Variants in ZNF660 observed in about 807,000 individuals in gnomAD.
ZNF660 encodes the protein zinc finger protein 660.
In ZNF660, 24 loss-of-function variants were observed where a neutral mutation model predicts 23.2. That is an observed-to-expected ratio of 1.04 (90% CI 0.75 to 1.46). The LOEUF is 1.46. Among genes scored for constraint, ZNF660 ranks in the 40% most tolerant of loss-of-function variants. The probability of loss-of-function intolerance (pLI) is 0.00; values close to 1 mark genes in which losing one functional copy is unlikely to be tolerated. For synonymous variants in ZNF660, 117 were observed against 131.4 expected (o/e 0.89, Z 0.75); for missense variants, 373 against 396.8 (o/e 0.94, Z 0.51).
chr3:44,588,882 T>C (rs544234893), intron 2 of ZNF660, among the ~76,000 whole-genome samples: 2 of 152,338 alleles, frequency 1.3e-5, no homozygotes, highest in South Asian at 2.1e-4. Context: ...TTTCTGTGTG[T>C]CCCCATCTTG....
At position 44,594,812 on chromosome 3, in the gene ZNF660, G is replaced by A; in HGVS notation, c.619G>A (p.Asp207Asn). ...ATGTGGTTCTAATACAAAGATTATG[G>A]ACCATCAGAGAATTCACACTGGAGA... is the stretch of plus-strand genomic sequence containing the variant. ...KTCGSNTKIMDHQRIHTGEKP... is the reference protein window; with the variant it reads ...KTCGSNTKIMNHQRIHTGEKP... Residue 207 changes from aspartate to asparagine, a missense_variant, in exon 3 of 3, where the codon GAC (aspartate) becomes AAC (asparagine). Asp to Asn is a conservative substitution (Grantham distance 23). Transcript: ENST00000322734. 1.2e-6 allele frequency: 2 copies of A among 1,614,088 alleles called. No individual in the cohort carries two copies. Among genetic ancestry groups the A allele is most frequent in the Non-Finnish European group, 1.7e-6 (2 of 1,180,024 alleles).
At chr3:44,586,076 A>C (rs1033127952) in intron 1 of ZNF660, 29 bp from the exon 2 acceptor site, 1 of 152,186 alleles carries the variant, frequency 6.6e-6, no homozygotes, top group Non-Finnish European at 1.5e-5. Context: ...CAGGGCTCAG[A>C]GAACTCAGTC....
At chr3:44,585,320 C>A (rs899350358) in intron 1 of ZNF660, among the ~76,000 whole-genome samples, 14 of 152,178 alleles carry the variant, frequency 9.2e-5, no homozygotes, top group African/African-American at 2.9e-4. Context: ...TCTCAGGACT[C>A]CACAGCCCCT....
rs1339499288 is a variant in ZNF660, at chr3:44,599,340, G to A, written c.*4151G>A. ...AATTCTGCTTAGAGAGGAAAGTGTC[G>A]CCCTGGACTTAGAAATCTTTTTTCA... is the stretch of plus-strand genomic sequence containing the variant. On this transcript the variant is annotated 3_prime_UTR_variant, in exon 3 of 3. Transcript: ENST00000322734. 6 of 152,138 alleles carry A rather than the reference G, an allele frequency of 3.9e-5. No individual in the cohort carries two copies. Among genetic ancestry groups the A allele is most frequent in the Non-Finnish European group, 8.8e-5 (6 of 68,014 alleles). The allele number at this position is 152,138 out of a possible 1,614,324, so 9.4% of individuals were successfully genotyped here.
intron 2 of ZNF660, among the ~76,000 whole-genome samples, chr3:44,588,739 G>A (rs1053414216): frequency 6.6e-6 from 1 of 152,038 alleles, no homozygotes; most frequent in Admixed American, 6.6e-5. Context: ...CCAAAGTGCT[G>A]GGATTATAGG....
chr3:44,592,496 C>T (rs1315696081), intron 2 of ZNF660, among the ~76,000 whole-genome samples: 2 of 152,208 alleles, frequency 1.3e-5, no homozygotes, highest in Admixed American at 6.5e-5. Flanking sequence ...AGTTTCACGT[C>T]AAACCAGTTG....
In ZNF660 at chr3:44,594,591, C is replaced by T. The variant is rs371409663; in HGVS notation, c.398C>T (p.Thr133Ile). 9.9e-6 allele frequency: 16 copies of T among 1,613,574 alleles called. No individual in the cohort carries two copies. In the African/African-American group the frequency reaches 1.5e-4, roughly 15 times the overall value. The part of the protein sequence containing the change: ...RHQGIHSGEK[T>I]YECKECGKAF... ...CAGGGAATCCACAGTGGGGAGAAAA[C>T]TTATGAATGTAAAGAGTGTGGGAAA... is the stretch of plus-strand genomic sequence containing the variant. Residue 133 changes from threonine (T) to isoleucine (I), a missense_variant, in exon 3 of 3, where the codon ACT becomes ATT. Coordinates refer to ENST00000322734, the MANE Select transcript of ZNF660 (RefSeq NM_173658.4).
At position 44,599,021 on chromosome 3, in the gene ZNF660, A is replaced by C. The variant is rs1700713670; in HGVS notation, c.*3832A>C. On this transcript the variant is annotated 3_prime_UTR_variant, in exon 3 of 3. Transcript: ENST00000322734. ...CTCAGAAACAAAACAGTACAAAACA[A>C]AAAACCCACAAAAACCCAACCCAGT... 1 of 152,054 alleles carries C rather than the reference A, an allele frequency of 6.6e-6. No homozygotes were observed. The highest frequency in any genetic ancestry group is 2.1e-4 in the South Asian group (1 of 4,824). 9.4% of individuals were successfully genotyped at this position (152,054 alleles called of 1,614,324 possible).
chr3:44,594,797 A>G lies in ZNF660; in HGVS notation c.604A>G (p.Asn202Asp). The change falls in exon 3 of 3, where the codon AAT (asparagine) becomes GAT (aspartate). Residue 202 changes from asparagine to aspartate, a missense_variant. Transcript: ENST00000322734. ...GGAGTGTGGGAAAACATGTGGTTCTAATACAAAGATTATGGACCATCAGAG... is the reference window on the plus strand; with the variant it reads ...GGAGTGTGGGAAAACATGTGGTTCTGATACAAAGATTATGGACCATCAGAG... The part of the protein sequence containing the change: ...CKECGKTCGS[N>D]TKIMDHQRIH... The G allele has an allele frequency of 6.2e-7, 1 of 1,614,196 alleles. No individual in the cohort carries two copies. The highest frequency in any genetic ancestry group is 8.5e-7 in the Non-Finnish European group (1 of 1,180,038).
In ZNF660 at chr3:44,596,032, G is replaced by C. The variant is rs764118500; in HGVS notation, c.*843G>C. ...CTGCAGATGATGGAGAACTACCTAG[G>C]CTTCATCTTTTCAACATATGTCTAC... On this transcript the variant is annotated 3_prime_UTR_variant, in exon 3 of 3. Transcript: ENST00000322734. 1.2e-5 allele frequency: 2 copies of C among 166,764 alleles called. No homozygotes were observed. The highest frequency in any genetic ancestry group is 2.9e-5 in the Non-Finnish European group (2 of 68,104). 10.3% of individuals were successfully genotyped at this position (166,764 alleles called of 1,614,324 possible).
In ZNF660 at chr3:44,594,112, C is replaced by A; in HGVS notation, c.-82C>A. 6.5e-7 allele frequency: 1 copy of A among 1,548,814 alleles called. No individual in the cohort carries two copies. On this transcript the variant is annotated 5_prime_UTR_variant, in exon 3 of 3. Transcript: ENST00000322734. ...CAAGAGAATTCCACAGAGACATTGC[C>A]CAGGAAGTCAAAATTTAGAAGGCTC...
Position 44,596,179 on chromosome 3 carries a change from A to T in ZNF660, c.*990A>T, listed in dbSNP as rs1027098400. ...CATGGTATATAGAGTTTAAAGGCTA[A>T]AAGTACAAACTTTGGGGTTGGAGAT... On this transcript the variant is annotated 3_prime_UTR_variant, in exon 3 of 3. Transcript: ENST00000322734. 1 of 157,882 alleles carries T rather than the reference A, an allele frequency of 6.3e-6. No homozygotes were observed. Among genetic ancestry groups the T allele is most frequent in the Non-Finnish European group, 1.5e-5 (1 of 68,064 alleles). The allele number at this position is 157,882 out of a possible 1,614,324, so 9.8% of individuals were successfully genotyped here.
At chr3:44,591,922 C>T (rs1700442259) in intron 2 of ZNF660, among the ~76,000 whole-genome samples, 1 of 152,106 alleles carries the variant, frequency 6.6e-6, no homozygotes, top group Non-Finnish European at 1.5e-5. Flanking sequence ...TGCTTGAATC[C>T]AGGAGGCGGA....
intron 2 of ZNF660, among the ~76,000 whole-genome samples, chr3:44,588,548 C>A (rs1054867626): frequency 2.6e-5 from 4 of 152,058 alleles, no homozygotes; most frequent in African/African-American, 9.7e-5. Flanking sequence ...GACAAGTTCT[C>A]ACTGTCTCCC....
At position 44,595,250 on chromosome 3, in the gene ZNF660, A is replaced by T. The variant is rs1480085845; in HGVS notation, c.*61A>T. 6 of 1,476,840 alleles carry T rather than the reference A, an allele frequency of 4.1e-6. No individual in the cohort carries two copies. Among genetic ancestry groups the T allele is most frequent in the African/African-American group, 1.4e-5 (1 of 71,070 alleles). The allele number at this position is 1,476,840 out of a possible 1,614,324, so 91.5% of individuals were successfully genotyped here. On this transcript the variant is annotated 3_prime_UTR_variant, in exon 3 of 3. Transcript: ENST00000322734. ...CTTTTCTAAAAAGTAGTTCTTTAGT[A>T]TCAACTTTAATTCTACTTCTAAGAA...
In ZNF660 at chr3:44,594,920, G is replaced by A. The variant is rs763883167; in HGVS notation, c.727G>A (p.Glu243Lys). The part of the protein sequence containing the change: ...LNEHQRLHRR[E>K]KPYKCNECGK... ...TGAACACCAGAGACTTCATCGTAGA[G>A]AGAAACCTTACAAATGTAATGAGTG... Residue 243 changes from glutamate to lysine, a missense_variant, in exon 3 of 3, where the codon GAG becomes AAG. Coordinates refer to ENST00000322734, the MANE Select transcript of ZNF660 (RefSeq NM_173658.4). The A allele has an allele frequency of 6.2e-7, 1 of 1,614,018 alleles. No individual in the cohort carries two copies.
In ZNF660 at chr3:44,595,070, T is replaced by C. The variant is rs754074480; in HGVS notation, c.877T>C (p.Leu293=). 2 of 1,612,800 alleles carry C rather than the reference T, an allele frequency of 1.2e-6. No individual in the cohort carries two copies. Among genetic ancestry groups the C allele is most frequent in the Non-Finnish European group, 1.7e-6 (2 of 1,179,594 alleles). Residue 293 remains leucine, a synonymous_variant, in exon 3 of 3, where the codon TTG becomes CTG. Transcript: ENST00000322734. Reference sequence around the variant, plus strand: ...GCAGACTTCTCAAGTTATTCTACACTTGAGAACCCACACTAAGGAGAAACC... The same window carrying C: ...GCAGACTTCTCAAGTTATTCTACACCTGAGAACCCACACTAAGGAGAAACC... The part of the protein sequence containing the change: ...FRQTSQVILH[L]RTHTKEKPYK...
chr3:44,589,508 C>T (rs989381944), intron 2 of ZNF660, among the ~76,000 whole-genome samples: 9 of 151,976 alleles, frequency 5.9e-5, no homozygotes, highest in Admixed American at 2.6e-4. Flanking sequence ...CTGAGAGAAA[C>T]GTGAATGTTC....
At chr3:44,591,095 T>G (rs1159466913) in intron 2 of ZNF660, among the ~76,000 whole-genome samples, 1 of 152,212 alleles carries the variant, frequency 6.6e-6, no homozygotes, top group African/African-American at 2.4e-5. Context: ...AAAGTGTGGC[T>G]CCATTTATCA....
Sources: gnomAD v4.1 joint callset for allele counts (sites outside exome capture counted in the v4.1 genomes callset) on GRCh38, gnomAD v4.1.1 for gene constraint, MANE v1.5 for transcripts, NCBI Gene and HGNC (gene_info 2026-07-23, HGNC 2026-07-21) for gene names.